SLC45A2: variants seen among roughly 807,000 people sequenced by gnomAD.
SLC45A2 encodes the protein solute carrier family 45 member 2.
Under a neutral mutation model 45.5 loss-of-function variants are expected in SLC45A2, and 36 were observed. The observed-to-expected ratio is 0.79, with a 90% CI of 0.61 to 1.04. The LOEUF is 1.04. Ranked by LOEUF, SLC45A2 falls within the 50% of genes least tolerant of loss-of-function variation. The probability of loss-of-function intolerance (pLI) is 0.00; values close to 1 mark genes in which losing one functional copy is unlikely to be tolerated. For missense variants in SLC45A2, 719 were observed against 671.0 expected (o/e 1.07, Z -0.79); for synonymous variants, 306 against 269.3 (o/e 1.14, Z -1.33).
At chr5:33,964,673 G>C (rs1299869221) in intron 2 of SLC45A2, among the ~76,000 whole-genome samples, 1 of 152,108 alleles carries the variant, frequency 6.6e-6, no homozygotes, top group Non-Finnish European at 1.5e-5. Flanking sequence ...ACTCCAACCT[G>C]AGGTCTTTTT....
At position 33,964,074 on chromosome 5, in the gene SLC45A2, A is replaced by G. The variant is rs1561364817; in HGVS notation, c.563-58T>C. 4.5e-6 allele frequency: 7 copies of G among 1,546,820 alleles called. No homozygotes were observed. The Middle Eastern group carries it at 5.0e-4, about 112-fold the overall frequency. ...TAGCAAATTATCGTTCATTTTCCTC[A>G]TGCATAGACACTCCCCTTCAGTGGG... is the stretch of plus-strand genomic sequence containing the variant. On this transcript the variant is annotated intron_variant, in intron 2 of 6. Transcript: ENST00000296589.
chr5:33,976,128 A>C (rs894059992), intron 2 of SLC45A2, among the ~76,000 whole-genome samples: 28 of 152,220 alleles, frequency 1.8e-4, no homozygotes, highest in African/African-American at 6.5e-4. Flanking sequence ...TGTGGGCGTT[A>C]GTGACTTGCA....
chr5:33,964,645 C>T lies in SLC45A2; in HGVS notation c.563-629G>A, dbSNP rs1468786980. Among the ~76,000 whole-genome samples the T allele has an allele frequency of 3.9e-5, 6 of 152,034 alleles. No individual in the cohort carries two copies. In the South Asian group the frequency reaches 1.2e-3, roughly 32 times the overall value. ...GTTTAAACATGAATTTTTAAAAATC[C>T]TATTATCGTTTCCCAGGACTCCAAC... On this transcript the variant is annotated intron_variant, in intron 2 of 6. Coordinates refer to ENST00000296589, the MANE Select transcript of SLC45A2 (RefSeq NM_016180.5).
chr5:33,946,609 G>A, intron 6 of SLC45A2: 1 of 1,004,808 alleles, frequency 1.0e-6, no homozygotes, highest in East Asian at 1.0e-4. Context: ...GGGCAGCAAA[G>A]TGGGGATTAC....
chr5:33,964,552 C>T (rs867932331), intron 2 of SLC45A2, among the ~76,000 whole-genome samples: 4 of 152,280 alleles, frequency 2.6e-5, no homozygotes, highest in South Asian at 4.1e-4. Context: ...TGTCTTTCTT[C>T]CTCTATTAGA....
intron 2 of SLC45A2, among the ~76,000 whole-genome samples, chr5:33,977,054 G>T (rs1311366867): frequency 1.3e-5 from 2 of 152,208 alleles, no homozygotes; most frequent in African/African-American, 4.8e-5. Context: ...TGTAAGTGTG[G>T]AGCCCTAATT....
intron 2 of SLC45A2, among the ~76,000 whole-genome samples, chr5:33,966,672 CAA>C (rs1344011984): frequency 6.6e-6 from 1 of 152,014 alleles, no homozygotes; most frequent in Non-Finnish European, 1.5e-5. Flanking sequence ...AGAGGAGTTT[CAA>C]AGAGTCATTA....
chr5:33,961,470 A>AT (rs1256061880), intron 3 of SLC45A2, among the ~76,000 whole-genome samples: 2 of 152,146 alleles, frequency 1.3e-5, no homozygotes, highest in African/African-American at 2.4e-5. Context: ...TTTAAAAAAA[A>AT]TTTTTTATGT....
chr5:33,947,939 A>G (rs996923690), intron 5 of SLC45A2, among the ~76,000 whole-genome samples: 17 of 152,228 alleles, frequency 1.1e-4, no homozygotes, highest in Non-Finnish European at 2.5e-4. Flanking sequence ...ACCTTCCCTG[A>G]CTTGCCAATC....
At chr5:33,978,671 C>T (rs867776490) in intron 2 of SLC45A2, among the ~76,000 whole-genome samples, 2 of 152,180 alleles carry the variant, frequency 1.3e-5, no homozygotes, top group Non-Finnish European at 2.9e-5. Context: ...CTTCAAGGTG[C>T]CCCAACTTTC....
intron 2 of SLC45A2, among the ~76,000 whole-genome samples, chr5:33,967,357 C>G (rs188897729): frequency 6.6e-4 from 100 of 152,260 alleles, no homozygotes; most frequent in Non-Finnish European, 1.0e-4. Context: ...TCTAGAGCAG[C>G]CTTCTTAAAC....
In SLC45A2 at chr5:33,944,882, A is replaced by G; in HGVS notation, c.1369-10T>C. ...CTGGGGCCTGCTGCCTCTGCAAAGG[A>G]AGCACAGAACCACCATTTGACCTAC... On this transcript the variant is annotated splice_polypyrimidine_tract_variant and intron_variant, in intron 6 of 6. Transcript: ENST00000296589. The G allele has an allele frequency of 6.2e-7, 1 of 1,606,480 alleles. No homozygotes were observed. Among genetic ancestry groups the G allele is most frequent in the Non-Finnish European group, 8.5e-7 (1 of 1,176,410 alleles).
chr5:33,960,934 T>C (rs552622341), intron 3 of SLC45A2, among the ~76,000 whole-genome samples: 1,818 of 152,286 alleles, frequency 0.012, 32 homozygotes, highest in African/African-American at 0.042. Context: ...AGGAACTCTC[T>C]CTACTATCTG....
chr5:33,948,922 T>C (rs1752015782), intron 5 of SLC45A2, among the ~76,000 whole-genome samples: 1 of 152,222 alleles, frequency 6.6e-6, no homozygotes, highest in African/African-American at 2.4e-5. Context: ...ACAAAGATAA[T>C]TCAGTGAACT....
At chr5:33,949,300 A>T (rs1752029090) in intron 5 of SLC45A2, among the ~76,000 whole-genome samples, 1 of 152,184 alleles carries the variant, frequency 6.6e-6, no homozygotes, top group Non-Finnish European at 1.5e-5. Context: ...AAGGAAAGGA[A>T]AGGATTGATT....
intron 1 of SLC45A2, 59 bp from the exon 2 acceptor site, chr5:33,982,471 T>C (rs1330216832): frequency 1.3e-6 from 2 of 1,537,988 alleles, no homozygotes; most frequent in East Asian, 2.3e-5. Flanking sequence ...CCGCGTTTTG[T>C]AATTTCCACC....
chr5:33,982,545 CT>C, intron 1 of SLC45A2, 133 bp from the exon 2 acceptor site: 1 of 883,650 alleles, frequency 1.1e-6, no homozygotes, highest in Non-Finnish European at 1.7e-6. Context: ...ATAAAAATAG[CT>C]TTACATTTTT....
At chr5:33,978,193 T>G (rs1045079468) in intron 2 of SLC45A2, among the ~76,000 whole-genome samples, 7 of 152,174 alleles carry the variant, frequency 4.6e-5, no homozygotes, top group African/African-American at 9.7e-5. Flanking sequence ...TTAACCAGCA[T>G]TAACATTAAA....
chr5:33,972,648 A>G (rs373018499), intron 2 of SLC45A2: 8 of 153,834 alleles, frequency 5.2e-5, no homozygotes, highest in East Asian at 3.8e-4. Flanking sequence ...TGATGGCTAT[A>G]TAAAAGACAT....
Sources: allele counts gnomAD v4.1 joint callset (sites outside exome capture counted in the v4.1 genomes callset), GRCh38; gene constraint gnomAD v4.1.1; transcripts MANE v1.5; gene names NCBI Gene and HGNC (gene_info 2026-07-23, HGNC 2026-07-21).